FOXP1: variants seen among roughly 807,000 people sequenced by gnomAD.
FOXP1 encodes the protein forkhead box P1.
In FOXP1, 15 loss-of-function variants were observed where a neutral mutation model predicts 98.2. The ratio of observed to expected loss-of-function variants is 0.15; its 90% CI spans 0.10 to 0.24. The LOEUF (loss-of-function observed/expected upper bound fraction) is 0.24, where lower values mean the gene tolerates loss of function less well. Among genes scored for constraint, FOXP1 ranks in the 10% least tolerant of loss-of-function variants. The probability of loss-of-function intolerance (pLI) is 1.00; values close to 1 mark genes in which losing one functional copy is unlikely to be tolerated. For missense variants in FOXP1, 633 were observed against 848.5 expected (o/e 0.75, Z 3.15); for synonymous variants, 371 against 314.5 (o/e 1.18, Z -1.90).
intron 11 of FOXP1, 72 bp downstream of exon 11, chr3:71,041,256 T>A (rs1024629501): frequency 1.7e-6 from 2 of 1,186,804 alleles, no homozygotes; most frequent in African/African-American, 3.0e-5. Context: ...CACTGAGATA[T>A]GACGAGGCAG....
chr3:71,515,433 C>CAAAAAAA (rs35322006), intron 2 of FOXP1, among the ~76,000 whole-genome samples: 4 of 96,934 alleles, frequency 4.1e-5, no homozygotes, highest in Admixed American at 1.2e-4. Context: ...ATTTACACAG[C>CAAAAAAA]AAAAAAAAAA....
intron 3 of FOXP1, among the ~76,000 whole-genome samples, chr3:71,456,378 A>T (rs1284013383): frequency 6.6e-6 from 1 of 152,178 alleles, no homozygotes; most frequent in Non-Finnish European, 1.5e-5. Flanking sequence ...CACTAGATGG[A>T]AGGTGCCGGG....
chr3:71,024,303 C>T (rs1238955762), intron 11 of FOXP1, among the ~76,000 whole-genome samples: 1 of 152,176 alleles, frequency 6.6e-6, no homozygotes, highest in Non-Finnish European at 1.5e-5. Context: ...TCTTATTTCA[C>T]ACCGAAGAGT....
intron 4 of FOXP1, among the ~76,000 whole-genome samples, chr3:71,355,662 A>ATC (rs1263721770): frequency 1.3e-5 from 2 of 152,204 alleles, no homozygotes; most frequent in Admixed American, 6.5e-5. Context: ...TCAAGCCACT[A>ATC]TCTCCACACA....
At chr3:71,111,361 A>G (rs1432472093) in intron 7 of FOXP1, among the ~76,000 whole-genome samples, 1 of 152,130 alleles carries the variant, frequency 6.6e-6, no homozygotes, top group Non-Finnish European at 1.5e-5. Flanking sequence ...AACTTCTATT[A>G]CAATTTTCTA....
intron 5 of FOXP1, among the ~76,000 whole-genome samples, chr3:71,298,180 A>C (rs1203277570): frequency 6.6e-6 from 1 of 152,108 alleles, no homozygotes; most frequent in Non-Finnish European, 1.5e-5. Flanking sequence ...AGATTAGAAA[A>C]CTGAGGCCGG....
At chr3:71,281,039 CAAAAAAAA>C (rs55640213) in intron 5 of FOXP1, among the ~76,000 whole-genome samples, 8 of 83,564 alleles carry the variant, frequency 9.6e-5, no homozygotes, top group Non-Finnish European at 1.7e-4. Flanking sequence ...CCCTTCTCTA[CAAAAAAAA>C]AAAAAAAAAA....
chr3:70,972,762 C>T (rs1575758896), intron 17 of FOXP1, 86 bp from the exon 18 acceptor site: 1 of 1,401,818 alleles, frequency 7.1e-7, no homozygotes, highest in South Asian at 1.2e-5. Flanking sequence ...TAACAGTCCA[C>T]ATTTGTAAAA....
chr3:71,572,869 T>C (rs560918005), intron 2 of FOXP1: 5 of 152,352 alleles, frequency 3.3e-5, no homozygotes, highest in Admixed American at 1.3e-4. Context: ...CATATAAGCA[T>C]ACAGTTTTAA....
chr3:71,508,838 C>T (rs2042007037), intron 2 of FOXP1, among the ~76,000 whole-genome samples: 2 of 152,194 alleles, frequency 1.3e-5, no homozygotes, highest in South Asian at 4.1e-4. Flanking sequence ...CCCTGGCTGG[C>T]TCTGAAATCT....
intron 4 of FOXP1, among the ~76,000 whole-genome samples, chr3:71,322,181 TA>T (rs2075427933): frequency 6.6e-6 from 1 of 152,200 alleles, no homozygotes; most frequent in Non-Finnish European, 1.5e-5. Context: ...CTATATGGAA[TA>T]AAAACATGAA....
intron 3 of FOXP1, among the ~76,000 whole-genome samples, chr3:71,411,160 T>C (rs1482031217): frequency 2.0e-5 from 3 of 152,210 alleles, no homozygotes; most frequent in Non-Finnish European, 4.4e-5. Context: ...ACACAATATA[T>C]AGGACGTCTA....
chr3:71,227,049 T>C (rs1253493968), intron 5 of FOXP1, among the ~76,000 whole-genome samples: 1 of 152,092 alleles, frequency 6.6e-6, no homozygotes, highest in African/African-American at 2.4e-5. Context: ...CTGGACCACA[T>C]GAGAAGGCTG....
chr3:71,485,805 C>T (rs1461355559), intron 3 of FOXP1, among the ~76,000 whole-genome samples: 5 of 150,850 alleles, frequency 3.3e-5, no homozygotes, highest in Admixed American at 2.6e-4. Context: ...AGAAATAATG[C>T]AGTGTTGAAT....
intron 2 of FOXP1, among the ~76,000 whole-genome samples, chr3:71,534,231 C>T (rs1160279001): frequency 2.6e-5 from 4 of 152,136 alleles, no homozygotes; most frequent in Non-Finnish European, 4.4e-5. Context: ...GGTGTGGTGG[C>T]GTACGCCTGT....
intron 3 of FOXP1, among the ~76,000 whole-genome samples, chr3:71,365,389 T>C (rs1243955947): frequency 6.9e-6 from 1 of 144,760 alleles, no homozygotes; most frequent in East Asian, 2.0e-4. Context: ...TGCGCCCACA[T>C]AGACAGCTTA....
chr3:71,524,320 G>A (rs2043209393), intron 2 of FOXP1, among the ~76,000 whole-genome samples: 2 of 152,044 alleles, frequency 1.3e-5, no homozygotes, highest in Non-Finnish European at 2.9e-5. Flanking sequence ...CCAAGATCAA[G>A]CTACTGCACT....
Position 71,115,458 on chromosome 3 carries a change from T to G in FOXP1, c.181-2821A>C, listed in dbSNP as rs767472242. Among the ~76,000 whole-genome samples the G allele has an allele frequency of 1.3e-3, 196 of 151,884 alleles. 2 individuals are homozygous for G. The highest frequency in any genetic ancestry group is 5.4e-4 in the Non-Finnish European group (37 of 67,948). On this transcript the variant is annotated intron_variant, in intron 6 of 20. Coordinates refer to ENST00000649528, the MANE Select transcript of FOXP1 (RefSeq NM_001349338.3). The stretch of plus-strand genomic sequence containing the variant: ...TTCAAGCAATTCTCCTGCCTCAGCC[T>G]CCTGAGTAGCTGGGACTACAGACGT...
At chr3:71,085,323 T>TA (rs1472343166) in intron 7 of FOXP1, among the ~76,000 whole-genome samples, 2 of 151,964 alleles carry the variant, frequency 1.3e-5, no homozygotes, top group Non-Finnish European at 2.9e-5. Context: ...AAAAAAAAAT[T>TA]TTTTTTTGTA....
Sources: allele counts gnomAD v4.1 joint callset (sites outside exome capture counted in the v4.1 genomes callset), GRCh38; gene constraint gnomAD v4.1.1; transcripts MANE v1.5; gene names NCBI Gene and HGNC (gene_info 2026-07-23, HGNC 2026-07-21).